Variants in TRABD2B observed in about 807,000 individuals in gnomAD.
The protein encoded by TRABD2B is metalloprotease TIKI2.
In TRABD2B, 14 loss-of-function variants were observed where a neutral mutation model predicts 40.1. The observed-to-expected ratio is 0.35, with a 90% CI of 0.23 to 0.55. The LOEUF (loss-of-function observed/expected upper bound fraction) is 0.55, where lower values mean the gene tolerates loss of function less well. Ranked by LOEUF, TRABD2B falls within the 20% of genes least tolerant of loss-of-function variation. TRABD2B has a pLI of 0.90. For missense variants in TRABD2B, 541 were observed against 648.6 expected, an observed-to-expected ratio of 0.83 and a Z score of 1.80; for synonymous variants, 263 against 277.0, an observed-to-expected ratio of 0.95 and a Z score of 0.50.
At position 47,813,445 on chromosome 1, in the gene TRABD2B, G is replaced by A. The variant is rs1229816769; in HGVS notation, c.667-11826C>T. Among the ~76,000 whole-genome samples, 1 of 152,160 alleles carries A rather than the reference G, an allele frequency of 6.6e-6. No individual in the cohort carries two copies. Among genetic ancestry groups the A allele is most frequent in the Admixed American group, 6.5e-5 (1 of 15,278 alleles). The stretch of plus-strand genomic sequence containing the variant: ...CTCTCTGTTTGTCTGCTAAGCCACC[G>A]GTTACCAAGCCTTCAGAGACAAACA... On this transcript the variant is annotated intron_variant, in intron 2 of 6. Transcript: ENST00000606738. The surrounding 1 kb of genome is among the most constrained non-coding windows in gnomAD (Gnocchi z 4.3).
intron 2 of TRABD2B, among the ~76,000 whole-genome samples, chr1:47,896,897 C>T (rs1192962300): frequency 6.6e-6 from 1 of 152,192 alleles, no homozygotes; most frequent in African/African-American, 2.4e-5. Context: ...AGTAGGCTCT[C>T]TCTCCCTCTC....
chr1:47,895,530 C>T (rs879763206), intron 2 of TRABD2B, among the ~76,000 whole-genome samples: 1 of 152,182 alleles, frequency 6.6e-6, no homozygotes, highest in Non-Finnish European at 1.5e-5. Context: ...CCTCAGGTCT[C>T]GCTTCCCCAA....
chr1:47,824,164 A>G (rs1358126293), intron 2 of TRABD2B, among the ~76,000 whole-genome samples: 1 of 152,210 alleles, frequency 6.6e-6, no homozygotes, highest in Non-Finnish European at 1.5e-5. Flanking sequence ...TCAGTGACAC[A>G]TAAGGACATC....
chr1:47,856,439 G>A (rs1489136164), intron 2 of TRABD2B, among the ~76,000 whole-genome samples: 7 of 152,248 alleles, frequency 4.6e-5, no homozygotes, highest in Admixed American at 3.3e-4. Context: ...GTGGATGAAT[G>A]CAGTTAGTTC....
chr1:47,774,547 G>A (rs1203760657), intron 6 of TRABD2B, among the ~76,000 whole-genome samples: 2 of 152,208 alleles, frequency 1.3e-5, no homozygotes, highest in East Asian at 3.9e-4. Context: ...ACAAGCTGAG[G>A]TGGGTGGTAG....
chr1:47,903,591 C>G (rs1322805753), intron 2 of TRABD2B, among the ~76,000 whole-genome samples: 1 of 152,054 alleles, frequency 6.6e-6, no homozygotes, highest in Non-Finnish European at 1.5e-5. Context: ...GGGGTGGAGT[C>G]AAGGCTTGAG....
chr1:47,878,683 G>T (rs991992281), intron 2 of TRABD2B, among the ~76,000 whole-genome samples: 2 of 152,238 alleles, frequency 1.3e-5, no homozygotes, highest in Non-Finnish European at 2.9e-5. Context: ...GGGGCCAGGA[G>T]AGCAGGTGAG....
At chr1:47,878,749 G>T (rs1342154658) in intron 2 of TRABD2B, among the ~76,000 whole-genome samples, 1 of 152,188 alleles carries the variant, frequency 6.6e-6, no homozygotes, top group Admixed American at 6.5e-5. Context: ...TAAGTGGTAA[G>T]TTCAGAGTTT....
Position 47,914,472 on chromosome 1 carries a change from T to C in TRABD2B, c.666+79562A>G, listed in dbSNP as rs185024903. Among the ~76,000 whole-genome samples the C allele has an allele frequency of 1.2e-4, 19 of 152,146 alleles. No individual in the cohort carries two copies. The East Asian group carries it at 3.3e-3, about 26-fold the overall frequency. ...GGTGACAGGGAGGGAGCCAGAGCAA[T>C]GTAGGGAGGGGCTGCTGGAATGAAT... On this transcript the variant is annotated intron_variant, in intron 2 of 6. Transcript: ENST00000606738.
intron 2 of TRABD2B, among the ~76,000 whole-genome samples, chr1:47,884,286 C>T (rs941316076): frequency 1.3e-5 from 2 of 152,202 alleles, no homozygotes; most frequent in Non-Finnish European, 2.9e-5. Flanking sequence ...GCTTTAAGAA[C>T]CAGTGTGGAA....
chr1:47,875,645 C>A (rs772853937), intron 2 of TRABD2B, among the ~76,000 whole-genome samples: 1 of 121,004 alleles, frequency 8.3e-6, no homozygotes, highest in Admixed American at 1.1e-4. Flanking sequence ...CATGATCGTG[C>A]TACTGCACAA....
chr1:47,810,164 G>A (rs571850136), intron 2 of TRABD2B, among the ~76,000 whole-genome samples: 4,035 of 151,848 alleles, frequency 0.027, 147 homozygotes, highest in African/African-American at 0.084. Flanking sequence ...GCGCGCGCGC[G>A]CGCGCACGTG....
At chr1:47,901,578 C>T (rs1441105981) in intron 2 of TRABD2B, among the ~76,000 whole-genome samples, 1 of 152,220 alleles carries the variant, frequency 6.6e-6, no homozygotes, top group Non-Finnish European at 1.5e-5. Context: ...AACTCATTCA[C>T]TCAGGTATTT....
chr1:47,914,641 G>T (rs1413401218), intron 2 of TRABD2B, among the ~76,000 whole-genome samples: 1 of 152,186 alleles, frequency 6.6e-6, no homozygotes, highest in African/African-American at 2.4e-5. Flanking sequence ...AGCGCCCACT[G>T]TGCCTCTTTC....
intron 2 of TRABD2B, among the ~76,000 whole-genome samples, chr1:47,871,389 C>T (rs1556979): frequency 0.033 from 5,039 of 152,242 alleles, 197 homozygotes; most frequent in East Asian, 0.15. Flanking sequence ...TGACAGGAGG[C>T]AAGTTGGCTC....
At chr1:47,995,583 C>G (rs1646078290) in intron 1 of TRABD2B, among the ~76,000 whole-genome samples, 1 of 151,874 alleles carries the variant, frequency 6.6e-6, no homozygotes, top group Non-Finnish European at 1.5e-5. Context: ...TCTACAGATC[C>G]AAGTCAGGGC....
At chr1:47,989,536 T>TG (rs985216838) in intron 2 of TRABD2B, among the ~76,000 whole-genome samples, 6 of 152,120 alleles carry the variant, frequency 3.9e-5, no homozygotes, top group African/African-American at 7.2e-5. Flanking sequence ...TAGCCTATAT[T>TG]GGGGGGTGTG....
chr1:47,785,356 G>A (rs566586727), intron 4 of TRABD2B, among the ~76,000 whole-genome samples: 9 of 152,320 alleles, frequency 5.9e-5, no homozygotes, highest in Admixed American at 5.9e-4. Context: ...GCCTGTGAGG[G>A]GTATTCAGAC....
intron 2 of TRABD2B, among the ~76,000 whole-genome samples, chr1:47,960,465 C>T (rs1183436061): frequency 6.6e-6 from 1 of 152,100 alleles, no homozygotes; most frequent in Non-Finnish European, 1.5e-5. Context: ...TTTAGAAAAC[C>T]CGATTGTCTC....
Sources: allele counts gnomAD v4.1 joint callset (sites outside exome capture counted in the v4.1 genomes callset), GRCh38; gene constraint gnomAD v4.1.1; non-coding constraint Gnocchi (gnomAD v3.1); transcripts MANE v1.5; gene names NCBI Gene and HGNC (gene_info 2026-07-23, HGNC 2026-07-21).